GALNT10: variants seen among roughly 807,000 people sequenced by gnomAD.
The protein encoded by GALNT10 is polypeptide N-acetylgalactosaminyltransferase 10.
A neutral mutation model predicts 75.0 loss-of-function variants in GALNT10; 41 were observed. That is an observed-to-expected ratio of 0.55 (90% confidence interval 0.43 to 0.71). The LOEUF (loss-of-function observed/expected upper bound fraction) is 0.71, where lower values mean the gene tolerates loss of function less well. Among genes scored for constraint, GALNT10 ranks in the 30% least tolerant of loss-of-function variants. The pLI is 0.00. For missense variants in GALNT10, 727 were observed against 818.5 expected, an observed-to-expected ratio of 0.89 and a Z score of 1.36; for synonymous variants, 302 against 313.0, an observed-to-expected ratio of 0.96 and a Z score of 0.37.
In GALNT10 at chr5:154,411,556, G is replaced by C. The variant is rs547581598; in HGVS notation, c.1387-1333G>C. 6.0e-4 allele frequency among the ~76,000 whole-genome samples: 91 copies of C among 152,318 alleles called. 1 individual carries two copies. The Middle Eastern group carries it at 0.02, about 34-fold the overall frequency. ...CAGGGTGGTGTTACCAGAGGAAGGG[G>C]AGAGGCATGGTGGGCTGGCAGGAAC... On this transcript the variant is annotated intron_variant, in intron 9 of 11. Coordinates refer to ENST00000297107, the MANE Select transcript of GALNT10 (RefSeq NM_198321.4).
chr5:154,262,722 A>T (rs1753717330), intron 1 of GALNT10, among the ~76,000 whole-genome samples: 1 of 152,162 alleles, frequency 6.6e-6, no homozygotes, highest in Non-Finnish European at 1.5e-5. Flanking sequence ...ATCTCCCTGG[A>T]GGCTGCACCC....
At chr5:154,246,893 G>A (rs1303423928) in intron 1 of GALNT10, among the ~76,000 whole-genome samples, 1 of 152,218 alleles carries the variant, frequency 6.6e-6, no homozygotes, top group African/African-American at 2.4e-5. Flanking sequence ...CCATGCCTAC[G>A]TCTTGAATGG....
In GALNT10 at chr5:154,380,508, A is replaced by ACGACTTT; in HGVS notation, c.818_824dup (p.Tyr276LeufsTer16). 6.2e-7 allele frequency: 1 copy of ACGACTTT among 1,613,450 alleles called. No individual in the cohort carries two copies. Among genetic ancestry groups the ACGACTTT allele is most frequent in the Non-Finnish European group, 8.5e-7 (1 of 1,179,768 alleles). On this transcript the variant is annotated frameshift_variant, in exon 6 of 12. Transcript: ENST00000297107. LOFTEE classifies it high-confidence loss of function. ...CCGATGATTGATGTAATTGACCATG[A>ACGACTTT]CGACTTTCGGTACGAGACACAGGCA...
intron 7 of GALNT10, among the ~76,000 whole-genome samples, chr5:154,398,690 C>T (rs548643603): frequency 2.0e-5 from 3 of 152,318 alleles, no homozygotes; most frequent in African/African-American, 7.2e-5. Flanking sequence ...CTGAAAAGAG[C>T]ACTTTTGCAC....
At chr5:154,331,063 G>A (rs189090899) in intron 4 of GALNT10, among the ~76,000 whole-genome samples, 194 of 152,134 alleles carry the variant, frequency 1.3e-3, no homozygotes, top group African/African-American at 4.5e-3. Context: ...ACTTATCACA[G>A]GTGGAATTAA....
chr5:154,287,232 G>T (rs1049632978), intron 1 of GALNT10, among the ~76,000 whole-genome samples: 50 of 152,198 alleles, frequency 3.3e-4, no homozygotes, highest in African/African-American at 1.2e-3. Context: ...CTGCCAAGCA[G>T]CTCAAATGTA....
chr5:154,299,700 A>C (rs765345947), intron 3 of GALNT10, among the ~76,000 whole-genome samples: 4 of 152,248 alleles, frequency 2.6e-5, no homozygotes, highest in Admixed American at 1.3e-4. Context: ...TAGATGTAAA[A>C]GATGTGCTGT....
At chr5:154,245,839 G>A (rs1013308536) in intron 1 of GALNT10, among the ~76,000 whole-genome samples, 8 of 150,614 alleles carry the variant, frequency 5.3e-5, no homozygotes, top group Non-Finnish European at 1.0e-4. Context: ...TTAAGTTTTA[G>A]GGTACATGTG....
intron 7 of GALNT10, among the ~76,000 whole-genome samples, chr5:154,395,967 T>C (rs1314888489): frequency 6.6e-6 from 1 of 152,084 alleles, no homozygotes; most frequent in Admixed American, 6.6e-5. Flanking sequence ...AGGCCCAAGG[T>C]TGAAAATCGC....
At chr5:154,245,512 A>T (rs1753407454) in intron 1 of GALNT10, among the ~76,000 whole-genome samples, 1 of 150,282 alleles carries the variant, frequency 6.7e-6, no homozygotes, top group African/African-American at 2.4e-5. Context: ...TGAATGAGTC[A>T]TATAGCTGGG....
chr5:154,340,904 A>C (rs866159518), intron 4 of GALNT10, among the ~76,000 whole-genome samples: 44 of 152,372 alleles, frequency 2.9e-4, no homozygotes, highest in Middle Eastern at 3.4e-3. Context: ...AAGAAGGCCA[A>C]ATATACACAT....
intron 1 of GALNT10, among the ~76,000 whole-genome samples, chr5:154,293,672 A>G (rs1754232612): frequency 6.7e-6 from 1 of 150,102 alleles, no homozygotes; most frequent in Non-Finnish European, 1.5e-5. Context: ...CCCATTTGCC[A>G]CATGTTTATT....
intron 1 of GALNT10, among the ~76,000 whole-genome samples, chr5:154,192,906 G>A (rs1774881384): frequency 6.6e-6 from 1 of 152,204 alleles, no homozygotes; most frequent in African/African-American, 2.4e-5. Context: ...CAGATGGGTA[G>A]AGAAGGTCAA....
intron 1 of GALNT10, among the ~76,000 whole-genome samples, chr5:154,266,741 G>A (rs535027412): frequency 2.0e-5 from 3 of 152,172 alleles, no homozygotes; most frequent in African/African-American, 7.2e-5. Flanking sequence ...TATTAGCGGG[G>A]TGTGGTGGTG....
chr5:154,356,962 A>G (rs970559893), intron 4 of GALNT10, among the ~76,000 whole-genome samples: 1 of 152,262 alleles, frequency 6.6e-6, no homozygotes, highest in Non-Finnish European at 1.5e-5. Flanking sequence ...TTTACCAACT[A>G]TGATACTCCT....
At chr5:154,215,874 G>A (rs527853848) in intron 1 of GALNT10, among the ~76,000 whole-genome samples, 15 of 152,324 alleles carry the variant, frequency 9.8e-5, no homozygotes, top group African/African-American at 3.6e-4. Context: ...GGACTTGGCA[G>A]GGCCCTCTTA....
chr5:154,240,070 C>T (rs1753307232), intron 1 of GALNT10, among the ~76,000 whole-genome samples: 1 of 152,188 alleles, frequency 6.6e-6, no homozygotes, highest in Non-Finnish European at 1.5e-5. Flanking sequence ...TGATTGCTTC[C>T]CTTGTAGTGT....
chr5:154,285,818 G>A (rs1225567042), intron 1 of GALNT10, among the ~76,000 whole-genome samples: 3 of 151,996 alleles, frequency 2.0e-5, no homozygotes, highest in Admixed American at 2.0e-4. Flanking sequence ...GCTCCTGGAG[G>A]AAAGACAGAA....
intron 1 of GALNT10, among the ~76,000 whole-genome samples, chr5:154,198,959 G>A (rs563663625): frequency 2.6e-5 from 4 of 152,320 alleles, no homozygotes; most frequent in African/African-American, 9.6e-5. Context: ...AATCTGTCAC[G>A]CAATGCTGTA....
Sources: allele counts gnomAD v4.1 joint callset (sites outside exome capture counted in the v4.1 genomes callset), GRCh38; gene constraint gnomAD v4.1.1; transcripts MANE v1.5; gene names NCBI Gene and HGNC (gene_info 2026-07-23, HGNC 2026-07-21).